CFAP61: variants seen among roughly 807,000 people sequenced by gnomAD.
CFAP61 encodes cilia- and flagella-associated protein 61.
Under a neutral mutation model 135.6 loss-of-function variants are expected in CFAP61, and 107 were observed. That is an observed-to-expected ratio of 0.79 (90% CI 0.67 to 0.93). The LOEUF (loss-of-function observed/expected upper bound fraction) is 0.93. CFAP61 is among the 40% of genes least tolerant of loss of function. The pLI is 0.00. For synonymous variants in CFAP61, 575 were observed against 578.5 expected, an observed-to-expected ratio of 0.99 and a Z score of 0.09; for missense variants, 1,507 against 1,556.2, an observed-to-expected ratio of 0.97 and a Z score of 0.53.
chr20:20,231,768 G>C (rs1042682266), intron 18 of CFAP61, among the ~76,000 whole-genome samples: 1 of 152,218 alleles, frequency 6.6e-6, no homozygotes, highest in Non-Finnish European at 1.5e-5. Context: ...TGCATTGCAG[G>C]GCATTGAGGA....
Position 20,098,662 on chromosome 20 carries a change from G to T in CFAP61, c.707G>T (p.Gly236Val), listed in dbSNP as rs1340515607. ...GTGTTTTGGATATTTCAGGTGGAAG[G>T]CACAGCTGTTGGGTTCATGAGTGTG... The part of the protein sequence containing the change: ...ENHAVVCEVE[G>V]TAVGFMSVCS... The change falls in exon 8 of 27, where the codon GGC becomes GTC. Residue 236 changes from glycine (G) to valine (V), a missense_variant. Gly to Val is a moderately radical substitution (Grantham distance 109, BLOSUM62 -3). Transcript: ENST00000245957. The T allele has an allele frequency of 5.6e-6, 9 of 1,596,328 alleles. No individual in the cohort carries two copies. Among genetic ancestry groups the T allele is most frequent in the East Asian group, 2.2e-5 (1 of 44,696 alleles).
chr20:20,075,064 GC>G, intron 4 of CFAP61, 124 bp from the exon 5 acceptor site: 6 of 844,942 alleles, frequency 7.1e-6, no homozygotes, highest in Non-Finnish European at 1.2e-5. Context: ...CAGGTGGGGA[GC>G]AAAGGAGCCC....
At chr20:20,107,447 T>C (rs1480434681) in intron 8 of CFAP61, among the ~76,000 whole-genome samples, 2 of 152,172 alleles carry the variant, frequency 1.3e-5, no homozygotes, top group Non-Finnish European at 2.9e-5. Flanking sequence ...AGGTAGTTAA[T>C]AGATTCAGGT....
intron 25 of CFAP61, among the ~76,000 whole-genome samples, chr20:20,308,574 C>T (rs1337401573): frequency 6.6e-6 from 1 of 152,138 alleles, no homozygotes; most frequent in Non-Finnish European, 1.5e-5. Context: ...CTGTCTTGCC[C>T]TATGCTTATA....
chr20:20,192,604 G>T (rs978608202), intron 15 of CFAP61, among the ~76,000 whole-genome samples: 2 of 152,010 alleles, frequency 1.3e-5, no homozygotes, highest in African/African-American at 4.8e-5. Flanking sequence ...AGTTGCTGCT[G>T]CACAGTCCCT....
intron 8 of CFAP61, among the ~76,000 whole-genome samples, chr20:20,134,971 T>G (rs1448521325): frequency 5.7e-5 from 2 of 34,874 alleles, no homozygotes; most frequent in Non-Finnish European, 1.5e-4. Context: ...AATGTCACCT[T>G]TTTTTTTTTT....
chr20:20,274,418 T>A (rs1025419240), intron 21 of CFAP61, among the ~76,000 whole-genome samples: 4 of 152,212 alleles, frequency 2.6e-5, no homozygotes, highest in Non-Finnish European at 4.4e-5. Flanking sequence ...CCCAGCACTT[T>A]GGGAAGCCAA....
intron 7 of CFAP61, among the ~76,000 whole-genome samples, chr20:20,091,668 G>T (rs539644946): frequency 6.6e-6 from 1 of 152,040 alleles, no homozygotes; most frequent in South Asian, 2.1e-4. Flanking sequence ...TATGATTCCT[G>T]TAATTATTAT....
intron 18 of CFAP61, among the ~76,000 whole-genome samples, chr20:20,242,751 C>T (rs1447956876): frequency 6.6e-6 from 1 of 152,220 alleles, no homozygotes; most frequent in African/African-American, 2.4e-5. Flanking sequence ...CAGTTTTGCT[C>T]TTAAAAAGGA....
chr20:20,262,979 T>A lies in CFAP61; in HGVS notation c.2352T>A (p.Asp784Glu), dbSNP rs1444144281. The A allele has an allele frequency of 6.2e-7, 1 of 1,613,704 alleles. No homozygotes were observed. Residue 784 changes from aspartate (D) to glutamate (E), a missense_variant, in exon 21 of 27, where the codon GAT (aspartate) becomes GAA (glutamate). Transcript: ENST00000245957. Reference sequence around the variant, plus strand: ...AGGTCCCATGCCCTACAGAGGCTGATATTAGTCAACACCTGACAAACAGGG... The same window carrying A: ...AGGTCCCATGCCCTACAGAGGCTGAAATTAGTCAACACCTGACAAACAGGG... ...QYQVPCPTEA[D>E]ISQHLTNREV...
chr20:20,098,603 G>A lies in CFAP61; in HGVS notation c.700-52G>A, dbSNP rs1370303317. On this transcript the variant is annotated intron_variant, in intron 7 of 26. Coordinates refer to ENST00000245957, the MANE Select transcript of CFAP61 (RefSeq NM_015585.4). ...AGCCTGGGTGACAGAGCGAGACTTT[G>A]TCTCAAAAAAAAAAAAAAAAAAAGA... The A allele has an allele frequency of 1.1e-5, 7 of 615,072 alleles. No individual in the cohort carries two copies. The African/African-American group carries it at 3.0e-4, about 26-fold the overall frequency. 38.1% of individuals were successfully genotyped at this position (615,072 alleles called of 1,614,324 possible).
chr20:20,210,405 T>G (rs1233021930), intron 17 of CFAP61, among the ~76,000 whole-genome samples: 1 of 152,206 alleles, frequency 6.6e-6, no homozygotes, highest in Non-Finnish European at 1.5e-5. Flanking sequence ...CTTTTCAGAC[T>G]CAAAAAACCT....
intron 21 of CFAP61, among the ~76,000 whole-genome samples, chr20:20,269,104 T>A (rs1344900202): frequency 7.0e-6 from 1 of 143,622 alleles, no homozygotes; most frequent in East Asian, 2.0e-4. Flanking sequence ...CATTGTCTGG[T>A]TCTATTCGTG....
At chr20:20,101,382 G>A (rs1020343413) in intron 8 of CFAP61, among the ~76,000 whole-genome samples, 1 of 152,152 alleles carries the variant, frequency 6.6e-6, no homozygotes, top group Non-Finnish European at 1.5e-5. Flanking sequence ...ATAACTTGGT[G>A]TAGGAGAGCT....
intron 2 of CFAP61, among the ~76,000 whole-genome samples, chr20:20,064,411 T>C (rs990492624): frequency 6.6e-6 from 1 of 152,206 alleles, no homozygotes; most frequent in Non-Finnish European, 1.5e-5. Flanking sequence ...TCAGCATGTC[T>C]GAATTACCAG....
chr20:20,244,822 G>A (rs1407068227), intron 18 of CFAP61, among the ~76,000 whole-genome samples: 1 of 152,164 alleles, frequency 6.6e-6, no homozygotes, highest in East Asian at 1.9e-4. Flanking sequence ...AAAACTGAAT[G>A]CCTTTAACAG....
At chr20:20,219,424 A>G (rs2146932404) in intron 17 of CFAP61, among the ~76,000 whole-genome samples, 1 of 152,310 alleles carries the variant, frequency 6.6e-6, no homozygotes, top group Non-Finnish European at 1.5e-5. Flanking sequence ...TATAGGAATA[A>G]GGGCAGATTC....
At chr20:20,283,301 C>G (rs1412003807) in intron 22 of CFAP61, among the ~76,000 whole-genome samples, 1 of 152,136 alleles carries the variant, frequency 6.6e-6, no homozygotes, top group Non-Finnish European at 1.5e-5. Context: ...AAATGTTCCT[C>G]TTTATCTCTG....
At chr20:20,131,242 G>T (rs1428727886) in intron 8 of CFAP61, among the ~76,000 whole-genome samples, 23 of 149,436 alleles carry the variant, frequency 1.5e-4, no homozygotes, top group African/African-American at 5.9e-4. Flanking sequence ...TGGATGGGGA[G>T]GGGGAGTAAA....
Sources: gnomAD v4.1 joint callset for allele counts (sites outside exome capture counted in the v4.1 genomes callset) on GRCh38, gnomAD v4.1.1 for gene constraint, MANE v1.5 for transcripts, NCBI Gene and HGNC (gene_info 2026-07-23, HGNC 2026-07-21) for gene names.